PDE8B: variants seen among roughly 807,000 people sequenced by gnomAD.
The protein encoded by PDE8B is phosphodiesterase 8B.
In PDE8B, 26 loss-of-function variants were observed where a neutral mutation model predicts 101.3. The observed-to-expected ratio is 0.26, with a 90% CI of 0.19 to 0.36. The LOEUF (loss-of-function observed/expected upper bound fraction) is 0.36, where lower values mean the gene tolerates loss of function less well. Ranked by LOEUF, PDE8B falls within the 10% of genes least tolerant of loss-of-function variation. The probability of loss-of-function intolerance (pLI) is 1.00; values close to 1 mark genes in which losing one functional copy is unlikely to be tolerated. For synonymous variants in PDE8B, 424 were observed against 429.3 expected (o/e 0.99, Z 0.15); for missense variants, 810 against 1,163.1 (o/e 0.70, Z 4.42).
intron 1 of PDE8B, among the ~76,000 whole-genome samples, chr5:77,302,224 T>A (rs1174782458): frequency 6.6e-6 from 1 of 152,218 alleles, no homozygotes; most frequent in Non-Finnish European, 1.5e-5. Flanking sequence ...GACTTCAGAG[T>A]TAGCAAGACG....
Position 77,425,937 on chromosome 5 carries a change from T to C in PDE8B, c.2548+41T>C, listed in dbSNP as rs762768299. On this transcript the variant is annotated intron_variant, in intron 21 of 21. Transcript: ENST00000264917. Reference sequence around the variant, plus strand: ...TTTTGTCACCCAAAGAAAATTGTTATACTTTACGAATATTATCTTTAGTGA... The same window carrying C: ...TTTTGTCACCCAAAGAAAATTGTTACACTTTACGAATATTATCTTTAGTGA... 14 of 1,585,520 alleles carry C rather than the reference T, an allele frequency of 8.8e-6. No homozygotes were observed. The East Asian group carries it at 2.0e-4, about 23-fold the overall frequency.
rs1002111389 is a variant in PDE8B at position 77,426,902 on chromosome 5, T to C, written c.*348T>C. 1 of 333,094 alleles carries C rather than the reference T, an allele frequency of 3.0e-6. No individual in the cohort carries two copies. The highest frequency in any genetic ancestry group is 2.1e-5 in the African/African-American group (1 of 46,814). 20.6% of individuals were successfully genotyped at this position (333,094 alleles called of 1,614,324 possible). On this transcript the variant is annotated 3_prime_UTR_variant, in exon 22 of 22. Coordinates refer to ENST00000264917, the MANE Select transcript of PDE8B (RefSeq NM_003719.5). ...GTGCCTGTGAGCTCATCTCCCAGGATGGTGACTAAGTAGCTTAGCTAGTGA... is the reference window on the plus strand; with the variant it reads ...GTGCCTGTGAGCTCATCTCCCAGGACGGTGACTAAGTAGCTTAGCTAGTGA...
the PDE8B span, among the ~76,000 whole-genome samples, chr5:77,183,267 G>A: frequency 0.082 from 12,424 of 151,922 alleles, 860 homozygotes; most frequent in East Asian, 0.41. Context: ...CTACAGGTGC[G>A]CACCACCAGG....
At chr5:77,184,087 A>G in the PDE8B span, among the ~76,000 whole-genome samples, 1 of 151,556 alleles carries the variant, frequency 6.6e-6, no homozygotes, top group African/African-American at 2.4e-5. Flanking sequence ...CTGCCTTAGC[A>G]TCCGGATTAG....
intron 10 of PDE8B, among the ~76,000 whole-genome samples, chr5:77,375,525 G>T (rs961705844): frequency 2.0e-5 from 3 of 152,140 alleles, no homozygotes; most frequent in Non-Finnish European, 4.4e-5. Flanking sequence ...ACTTCTCTTT[G>T]TTTAAAGTGA....
At chr5:77,145,872 A>G in the PDE8B span, 5 of 152,248 alleles carry the variant, frequency 3.3e-5, no homozygotes, top group African/African-American at 1.2e-4. Context: ...CTTTTCATGA[A>G]AAAAGGAAAG....
intron 1 of PDE8B, among the ~76,000 whole-genome samples, chr5:77,249,146 A>G (rs989757): frequency 0.35 from 53,556 of 152,114 alleles, 10,444 homozygotes; most frequent in East Asian, 0.75. Context: ...AGACCTTTAA[A>G]TCTTCAACAA....
chr5:77,175,835 G>A, the PDE8B span, among the ~76,000 whole-genome samples: 1 of 152,130 alleles, frequency 6.6e-6, no homozygotes, highest in Non-Finnish European at 1.5e-5. Flanking sequence ...ATATATGCAT[G>A]TATATAAATG....
At chr5:77,341,271 GGTGGGAAATA>G (rs1779170731) in intron 6 of PDE8B, among the ~76,000 whole-genome samples, 1 of 152,046 alleles carries the variant, frequency 6.6e-6, no homozygotes, top group Admixed American at 6.6e-5. Context: ...GGGGGGCAGG[GGTGGGAAATA>G]GTGTGTTCTT....
chr5:77,381,382 C>T (rs958540879), intron 10 of PDE8B, among the ~76,000 whole-genome samples: 1 of 152,066 alleles, frequency 6.6e-6, no homozygotes, highest in African/African-American at 2.4e-5. Flanking sequence ...AAGGATGACC[C>T]CTGGCTTGCA....
At chr5:77,344,751 G>A (rs547327667) in intron 6 of PDE8B, 102 bp from the exon 7 acceptor site, 19 of 819,530 alleles carry the variant, frequency 2.3e-5, no homozygotes, top group East Asian at 9.8e-5. Context: ...CAAAAAGTAC[G>A]TAGATTTGAT....
At chr5:77,173,138 G>A in the PDE8B span, among the ~76,000 whole-genome samples, 1 of 152,206 alleles carries the variant, frequency 6.6e-6, no homozygotes, top group Non-Finnish European at 1.5e-5. Context: ...GAGGTCAGAA[G>A]AGCACAAAGT....
chr5:77,210,594 G>C (rs1748035538), upstream of PDE8B: 10 of 978,142 alleles, frequency 1.0e-5, no homozygotes, highest in Admixed American at 6.3e-5. The surrounding 1 kb of genome is among the most constrained non-coding windows in gnomAD (Gnocchi z 4.9). Context: ...GCCGCGCCGA[G>C]GGAGGAGGGG....
chr5:77,128,839 C>CT, the PDE8B span, among the ~76,000 whole-genome samples: 1 of 152,224 alleles, frequency 6.6e-6, no homozygotes, highest in African/African-American at 2.4e-5. Context: ...AATGCCCTGG[C>CT]TACCCTTTTG....
chr5:77,412,346 T>C, intron 16 of PDE8B, 111 bp downstream of exon 16: 1 of 1,070,362 alleles, frequency 9.3e-7, no homozygotes, highest in Non-Finnish European at 1.4e-6. Context: ...CCTCACGGGT[T>C]CTGGCTCTCA....
chr5:77,140,904 A>G, the PDE8B span: 1 of 152,186 alleles, frequency 6.6e-6, no homozygotes, highest in Non-Finnish European at 1.5e-5. Context: ...ATATATACAT[A>G]CACATGTACG....
intron 10 of PDE8B, among the ~76,000 whole-genome samples, chr5:77,398,952 G>C (rs111239193): frequency 0.014 from 2,120 of 152,342 alleles, 30 homozygotes; most frequent in Non-Finnish European, 0.022. Flanking sequence ...GAAGCTGAGA[G>C]GCCAAAGAAA....
the PDE8B span, among the ~76,000 whole-genome samples, chr5:77,157,730 A>G: frequency 1.3e-5 from 2 of 152,228 alleles, no homozygotes; most frequent in African/African-American, 2.4e-5. Context: ...AATTTGTGTT[A>G]TGAAACCTCA....
At chr5:77,199,520 G>A in the PDE8B span, among the ~76,000 whole-genome samples, 2 of 152,058 alleles carry the variant, frequency 1.3e-5, no homozygotes, top group African/African-American at 4.8e-5. Flanking sequence ...TGGTGATTTC[G>A]AAAAGATCAG....
Sources: gnomAD v4.1 joint callset for allele counts (sites outside exome capture counted in the v4.1 genomes callset) on GRCh38, gnomAD v4.1.1 for gene constraint, Gnocchi (gnomAD v3.1) non-coding constraint, MANE v1.5 for transcripts, NCBI Gene and HGNC (gene_info 2026-07-23, HGNC 2026-07-21) for gene names.